ITPRIP: variants seen among roughly 807,000 people sequenced by gnomAD.
The protein encoded by ITPRIP is inositol 1,4,5-trisphosphate receptor-interacting protein.
Under a neutral mutation model 35.8 loss-of-function variants are expected in ITPRIP, and 32 were observed. The observed-to-expected ratio is 0.89, with a 90% CI of 0.68 to 1.20. The LOEUF is 1.20. Ranked by LOEUF, ITPRIP falls within the 50% of genes most tolerant of loss-of-function variation. The pLI, the probability that ITPRIP is intolerant of heterozygous loss-of-function variation, is 0.00. For synonymous variants in ITPRIP, 358 were observed against 324.0 expected, an observed-to-expected ratio of 1.11 and a Z score of -1.13; for missense variants, 653 against 735.6, an observed-to-expected ratio of 0.89 and a Z score of 1.30.
chr10:104,315,328 G>C lies in ITPRIP; in HGVS notation c.724C>G (p.Gln242Glu), dbSNP rs2013633537. The change falls in exon 2 of 2, where the codon CAG becomes GAG. Residue 242 changes from glutamine (Q) to glutamate (E), a missense_variant. Physicochemically the swap from Gln to Glu is conservative, Grantham distance 29. Coordinates refer to ENST00000337478, the MANE Select transcript of ITPRIP (RefSeq NM_001272013.2). This position sits in a 1 kb window ranked among gnomAD's most constrained non-coding sequence, Gnocchi z 5.7. ...SVPLDRQGYGQIKVVRADGDT... is the reference protein window; with the variant it reads ...SVPLDRQGYGEIKVVRADGDT... ...CCATCGGCGCGGACCACCTTGATCT[G>C]GCCGTAGCCCTGGCGATCCAGGGGC... 2 of 1,566,388 alleles carry C rather than the reference G, an allele frequency of 1.3e-6. No homozygotes were observed. Among genetic ancestry groups the C allele is most frequent in the African/African-American group, 1.3e-5 (1 of 74,126 alleles).
In ITPRIP at chr10:104,315,702, C is replaced by T. The variant is rs2013655298; in HGVS notation, c.350G>A (p.Gly117Asp). 1 of 1,613,404 alleles carries T rather than the reference C, an allele frequency of 6.2e-7. No individual in the cohort carries two copies. The highest frequency in any genetic ancestry group is 1.7e-5 in the Admixed American group (1 of 60,016). ...HQEGPSPECL[G>D]GEEDELPGLG... is the part of the protein sequence containing the mutation. Reference sequence around the variant, plus strand: ...CCCAGGCAGCTCATCCTCCTCACCGCCCAGGCACTCAGGTGAGGGCCCCTC... The same window carrying T: ...CCCAGGCAGCTCATCCTCCTCACCGTCCAGGCACTCAGGTGAGGGCCCCTC... Residue 117 changes from glycine (G) to aspartate (D), a missense_variant, in exon 2 of 2, where the codon GGC (glycine) becomes GAC (aspartate). Transcript: ENST00000337478. The surrounding 1 kb of genome is among the most constrained non-coding windows in gnomAD (Gnocchi z 5.7).
intron 1 of ITPRIP, among the ~76,000 whole-genome samples, chr10:104,336,095 A>G (rs1363720197): frequency 6.6e-6 from 1 of 152,174 alleles, no homozygotes; most frequent in East Asian, 1.9e-4. Context: ...TGGCTTGGCT[A>G]TGTCCACTCA....
At chr10:104,318,388 C>T (rs1034242450) in intron 1 of ITPRIP, among the ~76,000 whole-genome samples, 2 of 152,172 alleles carry the variant, frequency 1.3e-5, no homozygotes, top group African/African-American at 4.8e-5. Flanking sequence ...CTTCAAGCTG[C>T]CTGGATCACA....
Position 104,320,282 on chromosome 10 carries a change from T to C in ITPRIP, c.-13-4218A>G, listed in dbSNP as rs1589889809. 2.0e-5 allele frequency among the ~76,000 whole-genome samples: 3 copies of C among 152,302 alleles called. No individual in the cohort carries two copies. The South Asian group carries it at 6.2e-4, about 32-fold the overall frequency. ...ACAGACACTTACCATCTCCTGTCTC[T>C]GAAACTCGCTTCCTGGGACTTCAGC... is the stretch of plus-strand genomic sequence containing the variant. On this transcript the variant is annotated intron_variant, in intron 1 of 1. Coordinates refer to ENST00000337478, the MANE Select transcript of ITPRIP (RefSeq NM_001272013.2).
rs11192004 is a variant in ITPRIP at position 104,315,518 on chromosome 10, G to A, written c.534C>T (p.Leu178=). ...VDDLLEALRS[L]CNRDTDMEVE... is the part of the protein sequence containing the mutation. ...CCTCCATGTCGGTGTCCCGGTTGCA[G>A]AGGCTCCTCAGGGCTTCCAGCAAGT... is the stretch of plus-strand genomic sequence containing the variant. The change falls in exon 2 of 2, where the codon CTC becomes CTT. Residue 178 remains leucine, a synonymous_variant. Transcript: ENST00000337478. This position sits in a 1 kb window ranked among gnomAD's most constrained non-coding sequence, Gnocchi z 5.7. 1.1e-5 allele frequency: 17 copies of A among 1,614,242 alleles called. No individual in the cohort carries two copies. The highest frequency in any genetic ancestry group is 1.4e-5 in the Non-Finnish European group (17 of 1,180,032).
Position 104,324,432 on chromosome 10 carries a change from G to T in ITPRIP, c.-13-8368C>A, listed in dbSNP as rs141027338. Among the ~76,000 whole-genome samples, 201 of 152,306 alleles carry T rather than the reference G, an allele frequency of 1.3e-3. 1 individual carries two copies. The highest frequency in any genetic ancestry group is 4.7e-3 in the African/African-American group (196 of 41,560). On this transcript the variant is annotated intron_variant, in intron 1 of 1. Transcript: ENST00000337478. The stretch of plus-strand genomic sequence containing the variant: ...GAAGTGAGGAAAGAGGAAGGAAGAG[G>T]ACCAACAAAAAGATCATTGAGAAAG...
At chr10:104,332,522 G>A (rs1193297934) in intron 1 of ITPRIP, among the ~76,000 whole-genome samples, 1 of 152,132 alleles carries the variant, frequency 6.6e-6, no homozygotes, top group African/African-American at 2.4e-5. Flanking sequence ...TTTCTTCAGG[G>A]CAGGGAGTCC....
Position 104,313,984 on chromosome 10 carries a change from G to A in ITPRIP, c.*424C>T. ...AAGCTCCTGGGAATAGGGGTGCTGG[G>A]TCTTAACACGGTTCCCTGTCAGCAT... On this transcript the variant is annotated 3_prime_UTR_variant, in exon 2 of 2. Transcript: ENST00000337478. 1.0e-6 allele frequency: 1 copy of A among 1,003,046 alleles called. No homozygotes were observed. Among genetic ancestry groups the A allele is most frequent in the South Asian group, 4.3e-5 (1 of 23,436 alleles). The allele number at this position is 1,003,046 out of a possible 1,614,324, so 62.1% of individuals were successfully genotyped here.
rs535400205 is a variant in ITPRIP at position 104,320,858 on chromosome 10, A to T, written c.-13-4794T>A. Among the ~76,000 whole-genome samples, 5 of 152,270 alleles carry T rather than the reference A, an allele frequency of 3.3e-5. No homozygotes were observed. In the East Asian group the frequency reaches 9.6e-4, roughly 29 times the overall value. On this transcript the variant is annotated intron_variant, in intron 1 of 1. Coordinates refer to ENST00000337478, the MANE Select transcript of ITPRIP (RefSeq NM_001272013.2). Reference sequence around the variant, plus strand: ...AACTTCTGTCCCCCTAAAATGTGTAACATCAAGCTGTAACCCAACTGTCTG... The same window carrying T: ...AACTTCTGTCCCCCTAAAATGTGTATCATCAAGCTGTAACCCAACTGTCTG...
chr10:104,335,327 G>C (rs1460267156), intron 1 of ITPRIP, among the ~76,000 whole-genome samples: 1 of 152,154 alleles, frequency 6.6e-6, no homozygotes, highest in Non-Finnish European at 1.5e-5. Context: ...TGGGTGAATG[G>C]GACTTCAACA....
chr10:104,318,369 T>A (rs904429842), intron 1 of ITPRIP, among the ~76,000 whole-genome samples: 8 of 152,054 alleles, frequency 5.3e-5, no homozygotes, highest in African/African-American at 1.9e-4. Flanking sequence ...TTTGGGGGGT[T>A]TTAGGGTCCT....
rs934211049 is a variant in ITPRIP at position 104,312,927 on chromosome 10, A to C, written c.*1481T>G. 2.7e-5 allele frequency: 27 copies of C among 985,326 alleles called. No individual in the cohort carries two copies. The highest frequency in any genetic ancestry group is 3.1e-5 in the Non-Finnish European group (26 of 829,958). 61.0% of individuals were successfully genotyped at this position (985,326 alleles called of 1,614,324 possible). A position where few individuals can be genotyped will look rare whatever the true frequency, so the allele number is the denominator to read the frequency against. On this transcript the variant is annotated 3_prime_UTR_variant, in exon 2 of 2. Coordinates refer to ENST00000337478, the MANE Select transcript of ITPRIP (RefSeq NM_001272013.2). Reference sequence around the variant, plus strand: ...CAAGGGTAACTGAAGTAACGGTGAGATAGGAAATCTCAAAGGGCCAGTGAA... The same window carrying C: ...CAAGGGTAACTGAAGTAACGGTGAGCTAGGAAATCTCAAAGGGCCAGTGAA...
Position 104,328,224 on chromosome 10 carries a change from A to G in ITPRIP, c.-14+10022T>C. ...CTATGCGTGAATCACAGTGACAGCA[A>G]TGCGCCCTCACCACTTCCCGTTGTC... On this transcript the variant is annotated intron_variant, in intron 1 of 1. Transcript: ENST00000337478. This position sits in a 1 kb window ranked among gnomAD's most constrained non-coding sequence, Gnocchi z 4.1. 4.1e-6 allele frequency: 4 copies of G among 985,278 alleles called. No individual in the cohort carries two copies. Among genetic ancestry groups the G allele is most frequent in the Non-Finnish European group, 4.8e-6 (4 of 829,866 alleles). The allele number at this position is 985,278 out of a possible 1,614,324, so 61.0% of individuals were successfully genotyped here.
chr10:104,323,784 C>G (rs1328576476), intron 1 of ITPRIP, among the ~76,000 whole-genome samples: 3 of 152,240 alleles, frequency 2.0e-5, no homozygotes, highest in African/African-American at 7.2e-5. Context: ...TGCAGTGACA[C>G]CAGCTTCCCA....
rs1012752606 is a variant in ITPRIP, at chr10:104,326,012, G to C, written c.-13-9948C>G. 6.6e-6 allele frequency among the ~76,000 whole-genome samples: 1 copy of C among 152,196 alleles called. No homozygotes were observed. Among genetic ancestry groups the C allele is most frequent in the Admixed American group, 6.5e-5 (1 of 15,280 alleles). On this transcript the variant is annotated intron_variant, in intron 1 of 1. Transcript: ENST00000337478. The surrounding 1 kb of genome is among the most constrained non-coding windows in gnomAD (Gnocchi z 4.8). ...GCCCTACCACCGAGCCGGTGGGGAAGTACACGCGGGGCAGAAGCTGCCTTT... is the reference window on the plus strand; with the variant it reads ...GCCCTACCACCGAGCCGGTGGGGAACTACACGCGGGGCAGAAGCTGCCTTT...
At chr10:104,327,069 A>G (rs533364284) in intron 1 of ITPRIP, 1 of 152,348 alleles carries the variant, frequency 6.6e-6, no homozygotes, top group South Asian at 2.1e-4. Flanking sequence ...CTCAAAGCGC[A>G]ATGCACCCTC....
At position 104,314,728 on chromosome 10, in the gene ITPRIP, G is replaced by A. The variant is rs774088692; in HGVS notation, c.1324C>T (p.Leu442Phe). 18 of 1,613,778 alleles carry A rather than the reference G, an allele frequency of 1.1e-5. No homozygotes were observed. In the Admixed American group the frequency reaches 1.7e-4, roughly 15 times the overall value. Reference protein sequence around the residue: ...HLKTALLHLLLLRQAADWKAG... With the variant: ...HLKTALLHLLFLRQAADWKAG... ...TTCCAGTCGGCGGCCTGCCGGAGGAGTAGGAGGTGCAGTAGGGCCGTCTTC... is the reference window on the plus strand; with the variant it reads ...TTCCAGTCGGCGGCCTGCCGGAGGAATAGGAGGTGCAGTAGGGCCGTCTTC... The change falls in exon 2 of 2, where the codon CTC (leucine) becomes TTC (phenylalanine). Residue 442 changes from leucine to phenylalanine, a missense_variant. By Grantham distance (22) the Leu-to-Phe change is conservative. Coordinates refer to ENST00000337478, the MANE Select transcript of ITPRIP (RefSeq NM_001272013.2).
In ITPRIP at chr10:104,315,859, C is replaced by T. The variant is rs1314976370; in HGVS notation, c.193G>A (p.Glu65Lys). 19 of 1,612,972 alleles carry T rather than the reference C, an allele frequency of 1.2e-5. No homozygotes were observed. Among genetic ancestry groups the T allele is most frequent in the Admixed American group, 5.0e-5 (3 of 59,962 alleles). ...LEEEVARLAAEKEALEQVAEE... is the reference protein window; with the variant it reads ...LEEEVARLAAKKEALEQVAEE... ...GCCACCTGCTCCAGTGCCTCCTTTT[C>T]GGCCGCCAGCCGAGCCACCTCCTCC... The change falls in exon 2 of 2, where the codon GAA becomes AAA. Residue 65 changes from glutamate to lysine, a missense_variant. Coordinates refer to ENST00000337478, the MANE Select transcript of ITPRIP (RefSeq NM_001272013.2). The surrounding 1 kb of genome is among the most constrained non-coding windows in gnomAD (Gnocchi z 5.7).
At chr10:104,337,818 G>T (rs369805373) in intron 1 of ITPRIP, among the ~76,000 whole-genome samples, 1 of 152,164 alleles carries the variant, frequency 6.6e-6, no homozygotes, top group African/African-American at 2.4e-5. Flanking sequence ...AGGGGAAAAG[G>T]GGGCAGCAAA....
Sources: gnomAD v4.1 joint callset for allele counts (sites outside exome capture counted in the v4.1 genomes callset) on GRCh38, gnomAD v4.1.1 for gene constraint, Gnocchi (gnomAD v3.1) non-coding constraint, MANE v1.5 for transcripts, NCBI Gene and HGNC (gene_info 2026-07-23, HGNC 2026-07-21) for gene names.